GLIS3: variants seen among roughly 807,000 people sequenced by gnomAD.
GLIS3 encodes the protein zinc finger protein GLIS3.
In GLIS3, 53 loss-of-function variants were observed where a neutral mutation model predicts 78.6. The observed-to-expected ratio is 0.67, with a 90% CI of 0.54 to 0.85. The LOEUF (loss-of-function observed/expected upper bound fraction) is 0.85. Ranked by LOEUF, GLIS3 falls within the 40% of genes least tolerant of loss-of-function variation. GLIS3 has a pLI of 0.00. For synonymous variants in GLIS3, 684 were observed against 509.9 expected (o/e 1.34, Z -4.60); for missense variants, 1,703 against 1,231.1 (o/e 1.38, Z -5.74).
the GLIS3 span, among the ~76,000 whole-genome samples, chr9:4,386,725 A>C: frequency 6.6e-6 from 1 of 152,202 alleles, no homozygotes; most frequent in Non-Finnish European, 1.5e-5. Flanking sequence ...GGATGACATA[A>C]AGTTACAAAG....
intron 4 of GLIS3, among the ~76,000 whole-genome samples, chr9:4,047,659 G>C (rs1825364102): frequency 6.6e-6 from 1 of 152,052 alleles, no homozygotes. Flanking sequence ...CACAATCTAG[G>C]GAAAGAAAAA....
rs144994430 is a variant in GLIS3 at position 4,118,769 on chromosome 9, G to A, written c.709C>T (p.Leu237Phe). ...CCATTCTGAGAGCCGTGGTTGGAGA[G>A]CGAAGGGAGGGCCCTGTAGCCCTGG... ...WSQGYRALPS[L>F]SNHGSQNGLD... The change falls in exon 4 of 11, where the codon CTC becomes TTC. Residue 237 changes from leucine to phenylalanine, a missense_variant. Physicochemically the swap from Leu to Phe is conservative, Grantham distance 22 (BLOSUM62 0). Transcript: ENST00000381971. This position sits in a 1 kb window ranked among gnomAD's most constrained non-coding sequence, Gnocchi z 4.7. The A allele has an allele frequency of 2.5e-5, 40 of 1,613,228 alleles. No homozygotes were observed. The African/African-American group carries it at 4.9e-4, about 20-fold the overall frequency.
At chr9:4,456,867 G>A in the GLIS3 span, among the ~76,000 whole-genome samples, 2 of 152,008 alleles carry the variant, frequency 1.3e-5, no homozygotes, top group African/African-American at 2.4e-5. Context: ...CATGGTTCAT[G>A]GTATCCCAAA....
chr9:4,448,154 A>C, the GLIS3 span, among the ~76,000 whole-genome samples: 1 of 152,110 alleles, frequency 6.6e-6, no homozygotes, highest in East Asian at 1.9e-4. Context: ...TCCTGTCCCA[A>C]CTAAGATTGA....
intron 2 of GLIS3, among the ~76,000 whole-genome samples, chr9:4,196,697 C>T (rs1482179748): frequency 1.3e-5 from 2 of 152,178 alleles, no homozygotes; most frequent in Non-Finnish European, 2.9e-5. Flanking sequence ...TCAGAAGGAG[C>T]AAACTCCAGA....
At chr9:4,478,296 G>C in the GLIS3 span, among the ~76,000 whole-genome samples, 200 of 152,228 alleles carry the variant, frequency 1.3e-3, no homozygotes, top group African/African-American at 4.6e-3. Flanking sequence ...ATAAATCCAT[G>C]TGTTTGTACT....
intron 2 of GLIS3, among the ~76,000 whole-genome samples, chr9:4,317,515 C>A (rs565398851): frequency 6.6e-6 from 1 of 152,266 alleles, no homozygotes; most frequent in East Asian, 1.9e-4. Flanking sequence ...AAAGAAGACA[C>A]AAAATCCCTA....
intron 4 of GLIS3, among the ~76,000 whole-genome samples, chr9:3,955,910 A>T (rs571307548): frequency 6.6e-6 from 1 of 152,008 alleles, no homozygotes; most frequent in African/African-American, 2.4e-5. Context: ...TCTCCCTTTA[A>T]TGACAGCTAT....
chr9:4,402,327 A>G, the GLIS3 span, among the ~76,000 whole-genome samples: 1 of 152,360 alleles, frequency 6.6e-6, no homozygotes, highest in African/African-American at 2.4e-5. Context: ...TCCTTCGAAT[A>G]CCTGGAAAGC....
chr9:4,253,686 C>A (rs13292841), intron 2 of GLIS3, among the ~76,000 whole-genome samples: 58,195 of 152,072 alleles, frequency 0.38, 13,006 homozygotes, highest in South Asian at 0.66. Flanking sequence ...GCTGGGTGTC[C>A]GCCCAAACGG....
At chr9:3,886,961 C>T (rs1822122571) in intron 7 of GLIS3, among the ~76,000 whole-genome samples, 1 of 152,314 alleles carries the variant, frequency 6.6e-6, no homozygotes, top group African/African-American at 2.4e-5. Flanking sequence ...CCCCCCTTCC[C>T]CTGCCTCTGC....
At chr9:3,997,212 G>A (rs1820810872) in intron 4 of GLIS3, among the ~76,000 whole-genome samples, 1 of 152,048 alleles carries the variant, frequency 6.6e-6, no homozygotes, top group African/African-American at 2.4e-5. Context: ...TGGGCGTGGT[G>A]GTGCATGCCT....
At chr9:4,138,537 C>T (rs1586780474) in intron 2 of GLIS3, among the ~76,000 whole-genome samples, 1 of 151,976 alleles carries the variant, frequency 6.6e-6, no homozygotes, top group Non-Finnish European at 1.5e-5. Context: ...GGAGAGGGGG[C>T]AATATGAAGA....
the GLIS3 span, among the ~76,000 whole-genome samples, chr9:4,394,699 C>T: frequency 6.6e-6 from 1 of 152,144 alleles, no homozygotes; most frequent in Non-Finnish European, 1.5e-5. Context: ...CTGAAGAAAA[C>T]CTAATTTTGC....
At chr9:3,981,116 G>A (rs1350710140) in intron 4 of GLIS3, among the ~76,000 whole-genome samples, 1 of 152,094 alleles carries the variant, frequency 6.6e-6, no homozygotes, top group Non-Finnish European at 1.5e-5. Context: ...GCTACCTCTT[G>A]GAGTTTATGT....
chr9:3,990,467 T>G (rs1053102923), intron 4 of GLIS3, among the ~76,000 whole-genome samples: 2 of 152,164 alleles, frequency 1.3e-5, no homozygotes, highest in South Asian at 2.1e-4. Flanking sequence ...CATTGATCAG[T>G]GAATGAGGAA....
chr9:4,465,229 A>G, the GLIS3 span, among the ~76,000 whole-genome samples: 1 of 152,242 alleles, frequency 6.6e-6, no homozygotes, highest in African/African-American at 2.4e-5. Context: ...ATTTACATAT[A>G]ACATTGCATA....
intron 2 of GLIS3, among the ~76,000 whole-genome samples, chr9:4,197,142 T>C (rs1317268133): frequency 3.3e-5 from 5 of 152,152 alleles, no homozygotes; most frequent in African/African-American, 1.2e-4. Context: ...TGTGGTGCAG[T>C]GGGGCTCTCT....
intron 2 of GLIS3, among the ~76,000 whole-genome samples, chr9:4,209,886 C>T (rs184766755): frequency 4.6e-5 from 7 of 152,112 alleles, no homozygotes; most frequent in Admixed American, 1.3e-4. Flanking sequence ...AGAACCACTG[C>T]TCCAGGCCAA....
Sources: allele counts gnomAD v4.1 joint callset (sites outside exome capture counted in the v4.1 genomes callset), GRCh38; gene constraint gnomAD v4.1.1; non-coding constraint Gnocchi (gnomAD v3.1); transcripts MANE v1.5; gene names NCBI Gene and HGNC (gene_info 2026-07-23, HGNC 2026-07-21).